ADGRG6: variants seen among roughly 807,000 people sequenced by gnomAD.
The protein encoded by ADGRG6 is adhesion G protein-coupled receptor G6, also known as G-protein coupled receptor 126.
In ADGRG6, 84 loss-of-function variants were observed where a neutral mutation model predicts 142.4. The observed-to-expected ratio is 0.59, with a 90% CI of 0.49 to 0.71. The LOEUF is 0.71. Ranked by LOEUF, ADGRG6 falls within the 30% of genes least tolerant of loss-of-function variation. The pLI, the probability that ADGRG6 is intolerant of heterozygous loss-of-function variation, is 0.00. For missense variants in ADGRG6, 1,367 were observed against 1,466.6 expected, an observed-to-expected ratio of 0.93 and a Z score of 1.11; for synonymous variants, 521 against 520.5, an observed-to-expected ratio of 1.00 and a Z score of -0.01.
intron 1 of ADGRG6, among the ~76,000 whole-genome samples, chr6:142,306,094 C>T (rs978385159): frequency 6.6e-6 from 1 of 152,102 alleles, no homozygotes; most frequent in South Asian, 2.1e-4. Flanking sequence ...TGGGATATGG[C>T]GAAAGCAGTT....
At chr6:142,305,035 T>C (rs1375947158) in intron 1 of ADGRG6, among the ~76,000 whole-genome samples, 1 of 152,166 alleles carries the variant, frequency 6.6e-6, no homozygotes, top group African/African-American at 2.4e-5. Flanking sequence ...TTTAACATAT[T>C]TAAAATAAGT....
At chr6:142,397,403 A>G (rs866575775) in intron 9 of ADGRG6, among the ~76,000 whole-genome samples, 3 of 152,314 alleles carry the variant, frequency 2.0e-5, no homozygotes, top group Non-Finnish European at 4.4e-5. Context: ...AGAATTATAC[A>G]AGCAATAGCC....
At chr6:142,308,416 C>A (rs1777607139) in intron 1 of ADGRG6, among the ~76,000 whole-genome samples, 1 of 151,974 alleles carries the variant, frequency 6.6e-6, no homozygotes, top group African/African-American at 2.4e-5. Context: ...AGTCTTGAGG[C>A]AAGTGCAGGA....
chr6:142,379,448 C>T (rs1014356637), intron 4 of ADGRG6, among the ~76,000 whole-genome samples: 5 of 152,266 alleles, frequency 3.3e-5, no homozygotes, highest in Admixed American at 3.3e-4. Context: ...TTGCCTACCT[C>T]CTCATTTTCC....
At chr6:142,409,961 T>G (rs746591526) in intron 17 of ADGRG6, 42 bp downstream of exon 17, 16 of 908,890 alleles carry the variant, frequency 1.8e-5, no homozygotes, top group Non-Finnish European at 2.6e-5. Context: ...AGATAACAAC[T>G]GAATTTTAAA....
At position 142,437,539 on chromosome 6, in the gene ADGRG6, A is replaced by G. The variant is rs1353192851; in HGVS notation, c.3421+4A>G. 3 of 1,342,022 alleles carry G rather than the reference A, an allele frequency of 2.2e-6. No homozygotes were observed. The highest frequency in any genetic ancestry group is 1.4e-5 in the African/African-American group (1 of 69,698). 83.1% of individuals were successfully genotyped at this position (1,342,022 alleles called of 1,614,324 possible). A position where few individuals can be genotyped will look rare whatever the true frequency, so the allele number is the denominator to read the frequency against. On this transcript the variant is annotated splice_donor_region_variant and intron_variant, in intron 23 of 24. Transcript: ENST00000367609. ...TTTCGGTTAGCAGATAACTCAGGTA[A>G]AGAGTTGTTGATTAAATTTTACATC...
intron 2 of ADGRG6, among the ~76,000 whole-genome samples, chr6:142,346,944 C>T (rs773514154): frequency 5.3e-5 from 8 of 151,840 alleles, no homozygotes; most frequent in East Asian, 1.9e-4. Context: ...TTGATGGGTG[C>T]GGCAAACAAC....
chr6:142,437,677 G>T, intron 23 of ADGRG6, 142 bp downstream of exon 23: 1 of 602,650 alleles, frequency 1.7e-6, no homozygotes. Context: ...TGGAATCATA[G>T]AATATCAGGG....
At chr6:142,442,886 C>T (rs920082621) in intron 24 of ADGRG6, among the ~76,000 whole-genome samples, 2 of 151,970 alleles carry the variant, frequency 1.3e-5, no homozygotes, top group East Asian at 3.9e-4. Context: ...CCCCTTGTAA[C>T]CATCAATTTA....
At chr6:142,378,760 G>C (rs958345082) in intron 4 of ADGRG6, among the ~76,000 whole-genome samples, 8 of 152,184 alleles carry the variant, frequency 5.3e-5, no homozygotes, top group Middle Eastern at 3.4e-3. Flanking sequence ...ATTTTCTATA[G>C]AGTTACTACC....
chr6:142,383,880 TA>T, intron 6 of ADGRG6, 37 bp downstream of exon 6: 1 of 1,034,942 alleles, frequency 9.7e-7, no homozygotes. Flanking sequence ...TTAGTATGTC[TA>T]ACATAAAAAA....
At chr6:142,394,174 A>T (rs1342827133) in intron 9 of ADGRG6, among the ~76,000 whole-genome samples, 2 of 152,174 alleles carry the variant, frequency 1.3e-5, no homozygotes, top group Non-Finnish European at 2.9e-5. Context: ...ATAATTGAGA[A>T]ATAGGGCATT....
intron 2 of ADGRG6, among the ~76,000 whole-genome samples, chr6:142,329,434 T>A (rs1007683523): frequency 1.3e-5 from 2 of 152,176 alleles, no homozygotes; most frequent in Admixed American, 1.3e-4. Context: ...ATTTTCTTCA[T>A]TTTTCTCTAA....
chr6:142,302,076 C>T lies in ADGRG6; in HGVS notation c.-254C>T, dbSNP rs1777243583. The T allele has an allele frequency of 1.9e-6, 1 of 534,514 alleles. No homozygotes were observed. The highest frequency in any genetic ancestry group is 3.3e-6 in the Non-Finnish European group (1 of 304,594). The allele number at this position is 534,514 out of a possible 1,614,324, so 33.1% of individuals were successfully genotyped here. A position where few individuals can be genotyped will look rare whatever the true frequency, so the allele number is the denominator to read the frequency against. ...CTTCTCGCCCTCACCCTGCCAACTT[C>T]CCTGCGAGGAGGGACCTGCCGCCAG... On this transcript the variant is annotated 5_prime_UTR_variant, in exon 1 of 25. Coordinates refer to ENST00000367609, the MANE Select transcript of ADGRG6 (RefSeq NM_198569.3).
chr6:142,386,333 C>T (rs895440087), intron 6 of ADGRG6, among the ~76,000 whole-genome samples: 8 of 152,122 alleles, frequency 5.3e-5, no homozygotes, highest in Admixed American at 3.9e-4. Flanking sequence ...AGTTAAGTTC[C>T]TACGGCATAT....
chr6:142,442,012 G>A lies in ADGRG6; in HGVS notation c.3575-1325G>A, dbSNP rs532249353. Reference sequence around the variant, plus strand: ...TTTAGCCCTCATTGTATTTAGTGTCGGCTTCAACACAAGATAATAGTTGAG... The same window carrying A: ...TTTAGCCCTCATTGTATTTAGTGTCAGCTTCAACACAAGATAATAGTTGAG... On this transcript the variant is annotated intron_variant, in intron 24 of 24. Coordinates refer to ENST00000367609, the MANE Select transcript of ADGRG6 (RefSeq NM_198569.3). Among the ~76,000 whole-genome samples the A allele has an allele frequency of 3.9e-5, 6 of 152,090 alleles. No individual in the cohort carries two copies. In the East Asian group the frequency reaches 9.6e-4, roughly 24 times the overall value.
intron 21 of ADGRG6, among the ~76,000 whole-genome samples, chr6:142,418,565 A>G (rs1205498888): frequency 3.9e-5 from 6 of 152,158 alleles, no homozygotes; most frequent in Non-Finnish European, 8.8e-5. Context: ...TTAATAAATA[A>G]TTTCTAAATA....
intron 2 of ADGRG6, among the ~76,000 whole-genome samples, chr6:142,352,913 A>G (rs1344685745): frequency 6.6e-6 from 1 of 152,188 alleles, no homozygotes; most frequent in African/African-American, 2.4e-5. Context: ...CAAGGAAAGC[A>G]ATCCTAAATT....
At chr6:142,325,068 A>G (rs1187497088) in intron 2 of ADGRG6, among the ~76,000 whole-genome samples, 3 of 152,110 alleles carry the variant, frequency 2.0e-5, no homozygotes, top group Admixed American at 2.0e-4. Flanking sequence ...AATGCTACAA[A>G]TCCTCGTAGC....
Sources: allele counts gnomAD v4.1 joint callset (sites outside exome capture counted in the v4.1 genomes callset), GRCh38; gene constraint gnomAD v4.1.1; transcripts MANE v1.5; gene names NCBI Gene and HGNC (gene_info 2026-07-23, HGNC 2026-07-21).